Variants in DNAH14 observed in about 807,000 individuals in gnomAD.
The protein encoded by DNAH14 is axonemal beta dynein heavy chain 14.
A neutral mutation model predicts 520.9 loss-of-function variants in DNAH14; 478 were observed. The ratio of observed to expected loss-of-function variants is 0.92; its 90% CI spans 0.85 to 0.99. The LOEUF is 0.99. Ranked by LOEUF, DNAH14 falls within the 50% of genes least tolerant of loss-of-function variation. The pLI, the probability that DNAH14 is intolerant of heterozygous loss-of-function variation, is 0.00. For synonymous variants in DNAH14, 1,581 were observed against 1,757.2 expected (o/e 0.90, Z 2.51); for missense variants, 4,831 against 5,234.5 (o/e 0.92, Z 2.38).
At chr1:224,985,211 C>G (rs563700281) in intron 8 of DNAH14, among the ~76,000 whole-genome samples, 159 of 152,212 alleles carry the variant, frequency 1.0e-3, no homozygotes, top group African/African-American at 3.3e-3. Context: ...ATCGTGGAAC[C>G]AACCCAAATG....
intron 38 of DNAH14, among the ~76,000 whole-genome samples, chr1:225,202,475 A>C (rs988697336): frequency 2.0e-5 from 3 of 152,092 alleles, no homozygotes; most frequent in African/African-American, 7.2e-5. Context: ...AAGTGGGGGA[A>C]AGCCAGCAGT....
At chr1:225,219,863 A>T (rs185983624) in intron 41 of DNAH14, among the ~76,000 whole-genome samples, 1 of 152,178 alleles carries the variant, frequency 6.6e-6, no homozygotes, top group African/African-American at 2.4e-5. Context: ...AAAAAAGAAA[A>T]TTTCAGGCCA....
intron 22 of DNAH14, among the ~76,000 whole-genome samples, chr1:225,099,090 A>AT (rs1220154339): frequency 6.6e-6 from 1 of 152,136 alleles, no homozygotes; most frequent in East Asian, 1.9e-4. Flanking sequence ...CAAACTAACT[A>AT]TGAGGGCTGT....
At chr1:225,060,252 A>T (rs979128612) in intron 17 of DNAH14, among the ~76,000 whole-genome samples, 1 of 151,650 alleles carries the variant, frequency 6.6e-6, no homozygotes, top group Non-Finnish European at 1.5e-5. Flanking sequence ...TTCTTACTTC[A>T]TTGCATTCAT....
intron 77 of DNAH14, among the ~76,000 whole-genome samples, chr1:225,371,405 G>A (rs912203286): frequency 1.3e-5 from 2 of 151,926 alleles, no homozygotes; most frequent in African/African-American, 2.4e-5. Context: ...AAAACCTAAA[G>A]TAATAGGATT....
At position 225,351,072 on chromosome 1, in the gene DNAH14, A is replaced by G. The variant is rs117175077; in HGVS notation, c.11297-575A>G. Among the ~76,000 whole-genome samples the G allele has an allele frequency of 9.8e-5, 15 of 152,336 alleles. No individual in the cohort carries two copies. In the East Asian group the frequency reaches 2.7e-3, roughly 27 times the overall value. On this transcript the variant is annotated intron_variant, in intron 71 of 85. Transcript: ENST00000682510. Reference sequence around the variant, plus strand: ...AGTTTATTCTCAGTTTCACAACAGTATGAATATATTTAACACTACTGAACT... The same window carrying G: ...AGTTTATTCTCAGTTTCACAACAGTGTGAATATATTTAACACTACTGAACT...
rs193262042 is a variant in DNAH14, at chr1:225,339,035, G to T, written c.10433+853G>T. On this transcript the variant is annotated intron_variant, in intron 68 of 85. Transcript: ENST00000682510. Reference sequence around the variant, plus strand: ...TCTGTGGCCGGGCGTGGTGGCGCACGCCTGTAATCCCAGCACTTTGGGAAG... The same window carrying T: ...TCTGTGGCCGGGCGTGGTGGCGCACTCCTGTAATCCCAGCACTTTGGGAAG... Among the ~76,000 whole-genome samples, 13 of 151,830 alleles carry T rather than the reference G, an allele frequency of 8.6e-5. No individual in the cohort carries two copies. In the East Asian group the frequency reaches 2.5e-3, roughly 29 times the overall value.
chr1:225,121,667 C>G (rs1231811200), intron 26 of DNAH14, among the ~76,000 whole-genome samples: 1 of 151,830 alleles, frequency 6.6e-6, no homozygotes, highest in African/African-American at 2.4e-5. Context: ...ATGGTGAAAC[C>G]CTGTCTCTAC....
Position 225,337,386 on chromosome 1 carries a change from T to C in DNAH14, c.10201T>C (p.Trp3401Arg), listed in dbSNP as rs374469779. 3.9e-6 allele frequency: 6 copies of C among 1,551,470 alleles called. No individual in the cohort carries two copies. Among genetic ancestry groups the C allele is most frequent in the Non-Finnish European group, 5.2e-6 (6 of 1,146,950 alleles). The part of the protein sequence containing the change: ...LIDPHRQAHK[W>R]IRQMEGSRLQ... ...TGACCCACATAGGCAAGCTCACAAATGGATCCGTCAGATGGAAGGATCCAG... is the reference window on the plus strand; with the variant it reads ...TGACCCACATAGGCAAGCTCACAAACGGATCCGTCAGATGGAAGGATCCAG... The change falls in exon 67 of 86, where the codon TGG becomes CGG. Residue 3401 changes from tryptophan to arginine, a missense_variant. Coordinates refer to ENST00000682510, the MANE Select transcript of DNAH14 (RefSeq NM_001367479.1).
At chr1:225,106,511 G>A (rs2076061180) in intron 23 of DNAH14, among the ~76,000 whole-genome samples, 1 of 152,252 alleles carries the variant, frequency 6.6e-6, no homozygotes, top group East Asian at 1.9e-4. Flanking sequence ...GTTACTTTCA[G>A]GTACACCAAT....
chr1:225,389,760 A>G lies in DNAH14; in HGVS notation c.13217A>G (p.Lys4406Arg), dbSNP rs190910110. The G allele has an allele frequency of 3.0e-5, 46 of 1,552,260 alleles. No individual in the cohort carries two copies. In the East Asian group the frequency reaches 1.1e-3, roughly 36 times the overall value. The change falls in exon 83 of 86, where the codon AAG (lysine) becomes AGG (arginine). Residue 4406 changes from lysine (K) to arginine (R), a missense_variant. Coordinates refer to ENST00000682510, the MANE Select transcript of DNAH14 (RefSeq NM_001367479.1). ...RRYMRFVTVW[K>R]QSIPSTSQKC... ...TATATGAGATTTGTCACAGTTTGGA[A>G]GCAGTCTATTCCATCAACTAGCCAA...
At chr1:225,393,210 AC>A (rs1305641683) in intron 84 of DNAH14, among the ~76,000 whole-genome samples, 1 of 152,252 alleles carries the variant, frequency 6.6e-6, no homozygotes, top group Non-Finnish European at 1.5e-5. Flanking sequence ...ACCATTTTAC[AC>A]CCACTAGGTT....
Position 225,152,980 on chromosome 1 carries a change from G to A in DNAH14, c.5196+97G>A, listed in dbSNP as rs774886618. 9.0e-6 allele frequency: 11 copies of A among 1,216,530 alleles called. No individual in the cohort carries two copies. The Middle Eastern group carries it at 8.5e-4, about 94-fold the overall frequency. 75.4% of individuals were successfully genotyped at this position (1,216,530 alleles called of 1,614,324 possible). ...ATTGGTCCAGGGATGACCTGGGACT[G>A]TACCAAATAATGGAGCTAGAATTCC... On this transcript the variant is annotated intron_variant, in intron 33 of 85. Coordinates refer to ENST00000682510, the MANE Select transcript of DNAH14 (RefSeq NM_001367479.1).
At position 225,232,872 on chromosome 1, in the gene DNAH14, T is replaced by C. The variant is rs1333973993; in HGVS notation, c.6518+1721T>C. On this transcript the variant is annotated intron_variant, in intron 42 of 85. Transcript: ENST00000682510. The surrounding 1 kb of genome is among the most constrained non-coding windows in gnomAD (Gnocchi z 4.2). ...TTGTTACATAGGTAAATGTGTGCCA[T>C]GGTGGTTTGCTGCACAGATCATGCC... Among the ~76,000 whole-genome samples, 1 of 152,190 alleles carries C rather than the reference T, an allele frequency of 6.6e-6. No homozygotes were observed. The highest frequency in any genetic ancestry group is 1.5e-5 in the Non-Finnish European group (1 of 68,030).
At chr1:225,389,964 A>G (rs1480320983) in intron 83 of DNAH14, 91 bp downstream of exon 83, 12 of 1,217,848 alleles carry the variant, frequency 9.9e-6, no homozygotes, top group Non-Finnish European at 1.3e-5. Context: ...CCTCCCCTTT[A>G]GGATGACAAC....
intron 84 of DNAH14, among the ~76,000 whole-genome samples, chr1:225,398,219 A>C (rs914690874): frequency 2.6e-5 from 4 of 152,188 alleles, no homozygotes; most frequent in Non-Finnish European, 4.4e-5. Flanking sequence ...CTACACGATT[A>C]CAATTGTAGA....
At position 225,185,946 on chromosome 1, in the gene DNAH14, GTT is replaced by G. The variant is rs11443248; in HGVS notation, c.5670+537_5670+538del. On this transcript the variant is annotated intron_variant, in intron 37 of 85. Transcript: ENST00000682510. ...GAATTTTCTATTCGCATTACACTTT[GTT>G]TTTTTTTTTTTTTTTGGCTGTTAGA... Among the ~76,000 whole-genome samples the G allele has an allele frequency of 4.9e-4, 48 of 98,770 alleles. No individual in the cohort carries two copies. In the South Asian group the frequency reaches 9.1e-3, roughly 19 times the overall value. The allele number at this position is 98,770 out of a possible 152,430, so 64.8% of individuals were successfully genotyped here.
chr1:225,192,918 T>G lies in DNAH14; in HGVS notation c.5886+7T>G. On this transcript the variant is annotated splice_region_variant and intron_variant, in intron 38 of 85. Coordinates refer to ENST00000682510, the MANE Select transcript of DNAH14 (RefSeq NM_001367479.1). Reference sequence around the variant, plus strand: ...AATCTCAGATTTATCCAATGTAAGTTTAGTATTGAATGAATGTTTTTATTT... The same window carrying G: ...AATCTCAGATTTATCCAATGTAAGTGTAGTATTGAATGAATGTTTTTATTT... The G allele has an allele frequency of 6.5e-7, 1 of 1,535,244 alleles. No individual in the cohort carries two copies. Among genetic ancestry groups the G allele is most frequent in the Middle Eastern group, 2.0e-4 (1 of 4,982 alleles).
At chr1:225,356,092 T>G (rs1366861333) in intron 73 of DNAH14, among the ~76,000 whole-genome samples, 2 of 152,242 alleles carry the variant, frequency 1.3e-5, no homozygotes, top group African/African-American at 4.8e-5. Context: ...CATTTAGCCA[T>G]TAATCCATTG....
Sources: gnomAD v4.1 joint callset for allele counts (sites outside exome capture counted in the v4.1 genomes callset) on GRCh38, gnomAD v4.1.1 for gene constraint, Gnocchi (gnomAD v3.1) non-coding constraint, MANE v1.5 for transcripts, NCBI Gene and HGNC (gene_info 2026-07-23, HGNC 2026-07-21) for gene names.